Variants in CACNA2D3 observed in about 807,000 individuals in gnomAD.
CACNA2D3 encodes voltage-dependent calcium channel subunit alpha-2/delta-3.
CACNA2D3 carries 60 observed loss-of-function variants against 160.6 expected under a neutral mutation model. The ratio of observed to expected loss-of-function variants is 0.37; its 90% CI spans 0.30 to 0.46. The LOEUF is 0.46. Among genes scored for constraint, CACNA2D3 ranks in the 20% least tolerant of loss-of-function variants. The pLI is 1.00. For synonymous variants in CACNA2D3, 558 were observed against 492.9 expected, an observed-to-expected ratio of 1.13 and a Z score of -1.75; for missense variants, 1,205 against 1,365.0, an observed-to-expected ratio of 0.88 and a Z score of 1.85.
chr3:54,197,061 A>G (rs1701094732), intron 2 of CACNA2D3, among the ~76,000 whole-genome samples: 1 of 152,182 alleles, frequency 6.6e-6, no homozygotes, highest in Non-Finnish European at 1.5e-5. Flanking sequence ...CTTAAATTTT[A>G]TCTTCAAGAT....
intron 6 of CACNA2D3, among the ~76,000 whole-genome samples, chr3:54,564,253 G>C (rs1379306134): frequency 2.0e-5 from 3 of 152,172 alleles, no homozygotes; most frequent in Non-Finnish European, 4.4e-5. Flanking sequence ...TTAAACTATG[G>C]TCACGAGGAC....
chr3:54,764,086 G>A (rs1702172630), intron 12 of CACNA2D3, 132 bp from the exon 13 acceptor site: 4 of 916,266 alleles, frequency 4.4e-6, no homozygotes, highest in Non-Finnish European at 3.3e-6. Flanking sequence ...GAAAAATGGG[G>A]GAGAGGAGCT....
At chr3:54,583,761 G>A (rs1702716189) in intron 9 of CACNA2D3, among the ~76,000 whole-genome samples, 2 of 152,018 alleles carry the variant, frequency 1.3e-5, no homozygotes, top group South Asian at 4.1e-4. Flanking sequence ...TGTATAAGAA[G>A]ACTTGAAAAG....
intron 27 of CACNA2D3, among the ~76,000 whole-genome samples, chr3:54,957,779 C>T (rs1325154246): frequency 1.3e-5 from 2 of 152,120 alleles, no homozygotes; most frequent in Admixed American, 6.5e-5. Context: ...ATCTCTCACC[C>T]GGTAGGATGA....
rs55892710 is a variant in CACNA2D3 at position 54,540,740 on chromosome 3, G to T, written c.545-22060G>T. Among the ~76,000 whole-genome samples the T allele has an allele frequency of 8.2e-3, 1,251 of 152,124 alleles. 8 individuals are homozygous for T. The highest frequency in any genetic ancestry group is 0.014 in the Non-Finnish European group (969 of 68,004). ...TTTAAAGGCACTAATTTCATCATGA[G>T]TGTTCCCTCTCATGATTTAATTACC... is the stretch of plus-strand genomic sequence containing the variant. On this transcript the variant is annotated intron_variant, in intron 5 of 37. Transcript: ENST00000474759.
chr3:54,805,673 A>G (rs1424122860), intron 13 of CACNA2D3, among the ~76,000 whole-genome samples: 1 of 152,234 alleles, frequency 6.6e-6, no homozygotes, highest in Non-Finnish European at 1.5e-5. Flanking sequence ...GTCAATAGAA[A>G]AAGAGTGAAT....
At chr3:54,257,127 A>T (rs1045883119) in intron 2 of CACNA2D3, among the ~76,000 whole-genome samples, 3 of 152,214 alleles carry the variant, frequency 2.0e-5, no homozygotes, top group Non-Finnish European at 4.4e-5. Flanking sequence ...ATAGTCCATT[A>T]GACATTTCTG....
intron 2 of CACNA2D3, among the ~76,000 whole-genome samples, chr3:54,152,917 C>G (rs994219041): frequency 7.2e-5 from 11 of 152,168 alleles, no homozygotes; most frequent in Non-Finnish European, 1.3e-4. Flanking sequence ...TGGGAAGGAG[C>G]TTTCTCTAAG....
chr3:55,041,756 C>G lies in CACNA2D3; in HGVS notation c.2987+23439C>G, dbSNP rs141369527. ...AGTTTCTTAAGGTGAAAGCTTAGAT[C>G]ATTATTTTTAGATCATTTTTATTCT... is the stretch of plus-strand genomic sequence containing the variant. On this transcript the variant is annotated intron_variant, in intron 35 of 37. Transcript: ENST00000474759. 9.9e-5 allele frequency among the ~76,000 whole-genome samples: 15 copies of G among 151,910 alleles called. No homozygotes were observed. The East Asian group carries it at 2.9e-3, about 29-fold the overall frequency.
At chr3:54,918,575 T>C (rs1265083133) in intron 27 of CACNA2D3, 4 of 1,614,146 alleles carry the variant, frequency 2.5e-6, no homozygotes, top group Non-Finnish European at 3.4e-6. Context: ...CAGCCATAGA[T>C]GGCAGCTGCC....
In CACNA2D3 at chr3:55,074,161, A is replaced by G. The variant is rs35471424; in HGVS notation, c.3231A>G (p.Thr1077=). 0.14 allele frequency: 229,254 copies of G among 1,611,316 alleles called. 17,720 individuals carry two copies. The highest frequency in any genetic ancestry group is 0.16 in the Non-Finnish European group (185,805 of 1,177,510). ...CGGAPSLQAQ[T]VLLLLPLLLM... ...GTGCGCCGAGTCTCCAAGCCCAGAC[A>G]GTCCTCCTTCTGCTCCCTCTGCTTT... Residue 1077 remains threonine, a synonymous_variant, in exon 38 of 38, where the codon ACA becomes ACG. Transcript: ENST00000474759.
intron 5 of CACNA2D3, among the ~76,000 whole-genome samples, chr3:54,547,672 CT>C (rs55806357): frequency 0.13 from 8,973 of 69,094 alleles, 671 homozygotes; most frequent in Non-Finnish European, 0.17. Flanking sequence ...TCCCCCAACC[CT>C]TTTTTTTTTT....
chr3:54,656,712 C>A (rs558849643), intron 11 of CACNA2D3, among the ~76,000 whole-genome samples: 10 of 152,228 alleles, frequency 6.6e-5, no homozygotes, highest in African/African-American at 2.4e-4. Context: ...GCAATCAAAT[C>A]GCATGACTTC....
At chr3:54,705,582 TTTC>T (rs1463344573) in intron 11 of CACNA2D3, among the ~76,000 whole-genome samples, 5 of 152,184 alleles carry the variant, frequency 3.3e-5, no homozygotes, top group African/African-American at 1.2e-4. Context: ...ATTGACAGAC[TTTC>T]TTCTTATTGA....
At chr3:54,183,620 C>T (rs930761009) in intron 2 of CACNA2D3, among the ~76,000 whole-genome samples, 1 of 151,954 alleles carries the variant, frequency 6.6e-6, no homozygotes, top group Admixed American at 6.6e-5. Flanking sequence ...TACGGTAGCT[C>T]ACGCTTGTAA....
intron 11 of CACNA2D3, among the ~76,000 whole-genome samples, chr3:54,671,210 G>T (rs1202277569): frequency 6.6e-6 from 1 of 151,110 alleles, no homozygotes; most frequent in African/African-American, 2.4e-5. Context: ...AGTAGCTGGG[G>T]TCTCATTTCA....
chr3:54,563,488 C>A (rs765411131), intron 6 of CACNA2D3, among the ~76,000 whole-genome samples: 1 of 152,182 alleles, frequency 6.6e-6, no homozygotes, highest in African/African-American at 2.4e-5. Flanking sequence ...GTACTCCCAG[C>A]GGTGCGTATC....
At chr3:54,440,515 T>C (rs1372578146) in intron 4 of CACNA2D3, among the ~76,000 whole-genome samples, 1 of 152,222 alleles carries the variant, frequency 6.6e-6, no homozygotes, top group African/African-American at 2.4e-5. Flanking sequence ...CTTTAAGTTT[T>C]AGGGTACATG....
chr3:54,290,963 C>G (rs561251146), intron 2 of CACNA2D3, among the ~76,000 whole-genome samples: 4 of 152,132 alleles, frequency 2.6e-5, no homozygotes, highest in East Asian at 3.9e-4. Context: ...TGCTAAATGA[C>G]GAGTTAATGG....
Sources: gnomAD v4.1 joint callset for allele counts (sites outside exome capture counted in the v4.1 genomes callset) on GRCh38, gnomAD v4.1.1 for gene constraint, MANE v1.5 for transcripts, NCBI Gene and HGNC (gene_info 2026-07-23, HGNC 2026-07-21) for gene names.